NRXN1: variants seen among roughly 807,000 people sequenced by gnomAD.
The protein encoded by NRXN1 is neurexin 1.
Under a neutral mutation model 150.9 loss-of-function variants are expected in NRXN1, and 39 were observed. The ratio of observed to expected loss-of-function variants is 0.26; its 90% confidence interval spans 0.20 to 0.34. NRXN1 has a LOEUF of 0.34. Ranked by LOEUF, NRXN1 falls within the 10% of genes least tolerant of loss-of-function variation. The pLI, the probability that NRXN1 is intolerant of heterozygous loss-of-function variation, is 1.00. For missense variants in NRXN1, 1,815 were observed against 1,949.9 expected, an observed-to-expected ratio of 0.93 and a Z score of 1.30; for synonymous variants, 924 against 757.0, an observed-to-expected ratio of 1.22 and a Z score of -3.62.
At position 49,935,532 on chromosome 2, in the gene NRXN1, C is replaced by G. The variant is rs375594580; in HGVS notation, c.4216+8172G>C. ...TTTTGTTTATGAGTAAGGAGTAACT[C>G]ATGATGAGAGTGATCTAATCGACAA... On this transcript the variant is annotated intron_variant, in intron 22 of 22. Transcript: ENST00000401669. 1.8e-4 allele frequency among the ~76,000 whole-genome samples: 27 copies of G among 152,252 alleles called. 1 individual carries two copies. Among genetic ancestry groups the G allele is most frequent in the African/African-American group, 6.5e-4 (27 of 41,542 alleles).
intron 2 of NRXN1, among the ~76,000 whole-genome samples, chr2:50,991,088 T>A (rs1054077619): frequency 2.6e-5 from 4 of 152,034 alleles, no homozygotes; most frequent in Non-Finnish European, 5.9e-5. Flanking sequence ...CAGTAGTAAA[T>A]GAGACAGACT....
intron 18 of NRXN1, among the ~76,000 whole-genome samples, chr2:50,204,039 G>T (rs1385411202): frequency 6.6e-6 from 1 of 152,052 alleles, no homozygotes; most frequent in Non-Finnish European, 1.5e-5. Context: ...ACATTATACA[G>T]TTTTGACTCA....
rs554295527 is a variant in NRXN1, at chr2:50,211,055, G to C, written c.3546+25734C>G. Among the ~76,000 whole-genome samples, 36 of 151,438 alleles carry C rather than the reference G, an allele frequency of 2.4e-4. No individual in the cohort carries two copies. In the South Asian group the frequency reaches 3.3e-3, roughly 14 times the overall value. ...TTGAATAATCTCTATCCATTTTTCT[G>C]GCTTTCATAATAAAATGTGGACATA... is the stretch of plus-strand genomic sequence containing the variant. On this transcript the variant is annotated intron_variant, in intron 18 of 22. Transcript: ENST00000401669.
At chr2:50,619,855 T>C (rs914261506) in intron 8 of NRXN1, 167 bp downstream of exon 8, 3 of 518,852 alleles carry the variant, frequency 5.8e-6, no homozygotes, top group African/African-American at 1.9e-5. Flanking sequence ...TAATGATCTA[T>C]GAGCTGTTTC....
chr2:50,951,511 A>AT (rs1449147019), intron 2 of NRXN1, among the ~76,000 whole-genome samples: 6 of 152,092 alleles, frequency 3.9e-5, no homozygotes, highest in Admixed American at 2.0e-4. Context: ...TAGTTCACTA[A>AT]TTTTTTTTCA....
chr2:50,950,682 T>A (rs894950812), intron 2 of NRXN1, among the ~76,000 whole-genome samples: 1 of 152,182 alleles, frequency 6.6e-6, no homozygotes, highest in African/African-American at 2.4e-5. Flanking sequence ...TGAAAAGCAA[T>A]AATTTTTGTA....
intron 17 of NRXN1, among the ~76,000 whole-genome samples, chr2:50,358,243 C>A (rs574846947): frequency 6.6e-6 from 1 of 152,196 alleles, no homozygotes; most frequent in Non-Finnish European, 1.5e-5. Flanking sequence ...CATTCACTCC[C>A]CTGGAAAGGG....
chr2:50,250,577 G>C (rs1450103017), intron 17 of NRXN1, among the ~76,000 whole-genome samples: 2 of 152,044 alleles, frequency 1.3e-5, no homozygotes, highest in African/African-American at 4.8e-5. Context: ...GTGTTAAAAA[G>C]AGATTAGATA....
At chr2:50,264,968 T>C (rs1285987031) in intron 17 of NRXN1, among the ~76,000 whole-genome samples, 3 of 152,026 alleles carry the variant, frequency 2.0e-5, no homozygotes, top group Non-Finnish European at 2.9e-5. Flanking sequence ...AATAACAAAA[T>C]AGGAGTTTAA....
chr2:50,146,981 C>T (rs1409761946), intron 18 of NRXN1, among the ~76,000 whole-genome samples: 1 of 151,616 alleles, frequency 6.6e-6, no homozygotes, highest in East Asian at 1.9e-4. Flanking sequence ...TAATTTTAGA[C>T]CCTACATAAA....
At chr2:50,417,744 G>T (rs147465621) in intron 17 of NRXN1, among the ~76,000 whole-genome samples, 347 of 151,780 alleles carry the variant, frequency 2.3e-3, no homozygotes, top group African/African-American at 8.0e-3. Context: ...TTTGAATTGA[G>T]GCCTGGAAAA....
intron 5 of NRXN1, among the ~76,000 whole-genome samples, chr2:50,902,133 C>T (rs1683048088): frequency 6.6e-6 from 1 of 152,154 alleles, no homozygotes; most frequent in African/African-American, 2.4e-5. Context: ...AGAAGGATGG[C>T]TTTATTAGAT....
chr2:50,566,156 A>G (rs1669810638), intron 8 of NRXN1, among the ~76,000 whole-genome samples: 1 of 152,120 alleles, frequency 6.6e-6, no homozygotes, highest in South Asian at 2.1e-4. Context: ...TATGTTGAAC[A>G]AGTCCCCAGT....
chr2:50,027,518 C>T (rs891760596), intron 21 of NRXN1, among the ~76,000 whole-genome samples: 4 of 152,058 alleles, frequency 2.6e-5, no homozygotes, highest in African/African-American at 7.2e-5. Context: ...TCATGACTCA[C>T]TGGAGACTTG....
chr2:50,880,637 C>T (rs1679295394), intron 5 of NRXN1, among the ~76,000 whole-genome samples: 1 of 151,878 alleles, frequency 6.6e-6, no homozygotes, highest in Non-Finnish European at 1.5e-5. Flanking sequence ...AAATGGCCAA[C>T]AATTTGCACG....
At chr2:50,335,860 T>G (rs1029463305) in intron 17 of NRXN1, among the ~76,000 whole-genome samples, 1 of 151,090 alleles carries the variant, frequency 6.6e-6, no homozygotes, top group Non-Finnish European at 1.5e-5. Context: ...CTCAGAGGAG[T>G]CTACCTTATA....
At chr2:50,294,539 G>A (rs905762548) in intron 17 of NRXN1, among the ~76,000 whole-genome samples, 3 of 152,180 alleles carry the variant, frequency 2.0e-5, no homozygotes, top group Non-Finnish European at 4.4e-5. Context: ...CTCTGTTCTG[G>A]TGAAGTTCAT....
intron 19 of NRXN1, among the ~76,000 whole-genome samples, chr2:50,088,461 ACT>A (rs1026070161): frequency 2.6e-5 from 4 of 151,888 alleles, no homozygotes; most frequent in African/African-American, 9.7e-5. Flanking sequence ...TTGAGGGCCG[ACT>A]CTGTGTTTTA....
At chr2:50,863,633 T>C (rs766880770) in intron 5 of NRXN1, among the ~76,000 whole-genome samples, 1 of 151,980 alleles carries the variant, frequency 6.6e-6, no homozygotes, top group Non-Finnish European at 1.5e-5. Context: ...ACAGTATTTC[T>C]CCTAAAAATG....
Sources: allele counts gnomAD v4.1 joint callset (sites outside exome capture counted in the v4.1 genomes callset), GRCh38; gene constraint gnomAD v4.1.1; transcripts MANE v1.5; gene names NCBI Gene and HGNC (gene_info 2026-07-23, HGNC 2026-07-21).